The following KCNMA1 variants were observed in gnomAD, a reference collection of about 807,000 sequenced individuals.
KCNMA1 encodes Calcium-activated potassium channel subunit alpha-1.
Under a neutral mutation model 140.0 loss-of-function variants are expected in KCNMA1, and 29 were observed. The ratio of observed to expected loss-of-function variants is 0.21; its 90% CI spans 0.15 to 0.28. KCNMA1 has a LOEUF of 0.28. Ranked by LOEUF, KCNMA1 falls within the 10% of genes least tolerant of loss-of-function variation. KCNMA1 has a pLI of 1.00. For missense variants in KCNMA1, 880 were observed against 1,602.2 expected (o/e 0.55, Z 7.70); for synonymous variants, 612 against 611.9 (o/e 1.00, Z 0.00).
intron 2 of KCNMA1, among the ~76,000 whole-genome samples, chr10:77,255,200 A>G (rs1314410347): frequency 6.6e-6 from 1 of 152,216 alleles, no homozygotes; most frequent in Non-Finnish European, 1.5e-5. Context: ...AATTTGATAA[A>G]TGTCATTGGA....
chr10:76,965,401 G>A (rs1050807967), intron 20 of KCNMA1, among the ~76,000 whole-genome samples: 2 of 152,174 alleles, frequency 1.3e-5, no homozygotes, highest in African/African-American at 2.4e-5. Flanking sequence ...TCACACCTCT[G>A]TGCTTATGTA....
In KCNMA1 at chr10:77,273,798, T is replaced by C. The variant is rs184230831; in HGVS notation, c.541-22542A>G. ...GTTCATTTATTCCACGTGTATTTGT[T>C]GATTTCTTACTATATGCTGGGCACC... On this transcript the variant is annotated intron_variant, in intron 2 of 27. Transcript: ENST00000286628. Among the ~76,000 whole-genome samples the C allele has an allele frequency of 2.0e-3, 305 of 152,274 alleles. 1 individual carries two copies. The highest frequency in any genetic ancestry group is 6.8e-3 in the African/African-American group (284 of 41,564).
At chr10:77,055,690 T>C (rs181568915) in intron 14 of KCNMA1, among the ~76,000 whole-genome samples, 12 of 152,274 alleles carry the variant, frequency 7.9e-5, no homozygotes, top group African/African-American at 2.6e-4. Flanking sequence ...GCTTTTTGTC[T>C]CTCTCTGCCC....
chr10:77,552,360 A>G (rs1229560766), intron 1 of KCNMA1, among the ~76,000 whole-genome samples: 2 of 152,164 alleles, frequency 1.3e-5, no homozygotes, highest in Non-Finnish European at 2.9e-5. Flanking sequence ...AGATTACTTC[A>G]TCCTCTGGGT....
At chr10:77,314,779 C>G (rs987675944) in intron 2 of KCNMA1, among the ~76,000 whole-genome samples, 1 of 152,118 alleles carries the variant, frequency 6.6e-6, no homozygotes, top group African/African-American at 2.4e-5. Flanking sequence ...CCTGCATCCA[C>G]CTAGCAGGGT....
intron 2 of KCNMA1, among the ~76,000 whole-genome samples, chr10:77,401,642 G>A (rs2096270834): frequency 6.6e-6 from 1 of 152,186 alleles, no homozygotes; most frequent in South Asian, 2.1e-4. Context: ...AAAGCTCACT[G>A]CAAATGCATT....
chr10:77,027,465 T>C (rs773663038), intron 16 of KCNMA1, among the ~76,000 whole-genome samples: 19 of 152,018 alleles, frequency 1.2e-4, no homozygotes, highest in Non-Finnish European at 2.4e-4. Context: ...GAGGCCAGAG[T>C]CCACCTGCTT....
chr10:77,027,994 G>C (rs545232567), intron 15 of KCNMA1, 103 bp from the exon 16 acceptor site: 2 of 1,023,134 alleles, frequency 2.0e-6, no homozygotes, highest in South Asian at 1.3e-5. Context: ...AGTCATTACC[G>C]AGGGGATCCT....
At chr10:77,591,828 T>C (rs1007083258) in intron 1 of KCNMA1, among the ~76,000 whole-genome samples, 2 of 152,124 alleles carry the variant, frequency 1.3e-5, no homozygotes, top group African/African-American at 4.8e-5. Context: ...GGAATTTAAT[T>C]AGCTTGAGTT....
At chr10:77,584,347 T>C (rs934992063) in intron 1 of KCNMA1, among the ~76,000 whole-genome samples, 2 of 152,218 alleles carry the variant, frequency 1.3e-5, no homozygotes, top group Non-Finnish European at 2.9e-5. Context: ...ATTTAAGTTG[T>C]TCCATAAATG....
chr10:77,493,126 T>C (rs181108067), intron 1 of KCNMA1, among the ~76,000 whole-genome samples: 115 of 152,350 alleles, frequency 7.5e-4, no homozygotes, highest in African/African-American at 2.7e-3. Context: ...GGTTGAGCAC[T>C]CTAAACAGAT....
intron 1 of KCNMA1, chr10:77,636,851 C>A: frequency 6.3e-6 from 9 of 1,429,596 alleles, no homozygotes; most frequent in Non-Finnish European, 8.2e-6. Context: ...TCGCCCACCG[C>A]CAGGAGCCGA....
At chr10:77,563,848 T>C (rs1335611045) in intron 1 of KCNMA1, among the ~76,000 whole-genome samples, 1 of 152,146 alleles carries the variant, frequency 6.6e-6, no homozygotes, top group East Asian at 1.9e-4. Context: ...AAGACTCCAG[T>C]CCCTGGTCCC....
chr10:77,480,119 C>T (rs1227026136), intron 1 of KCNMA1, among the ~76,000 whole-genome samples: 5 of 152,248 alleles, frequency 3.3e-5, no homozygotes, highest in Non-Finnish European at 5.9e-5. Flanking sequence ...CCACCAAATA[C>T]GACGCCCATA....
chr10:77,433,900 TATC>T, intron 1 of KCNMA1: 1 of 152,320 alleles, frequency 6.6e-6, no homozygotes, highest in Non-Finnish European at 1.5e-5. Context: ...CAAGGGACTG[TATC>T]ATAATATCCT....
At chr10:77,138,371 A>G (rs954740500) in intron 5 of KCNMA1, among the ~76,000 whole-genome samples, 1 of 151,984 alleles carries the variant, frequency 6.6e-6, no homozygotes, top group African/African-American at 2.4e-5. Flanking sequence ...TGATCCTCTC[A>G]CCTCAGCCTC....
At chr10:77,474,573 G>A (rs1260006378) in intron 1 of KCNMA1, among the ~76,000 whole-genome samples, 6 of 152,196 alleles carry the variant, frequency 3.9e-5, no homozygotes, top group Admixed American at 1.3e-4. Flanking sequence ...ATGGTCCTTT[G>A]TTACAGCACC....
At chr10:76,997,429 G>A (rs1426721316) in intron 19 of KCNMA1, among the ~76,000 whole-genome samples, 3 of 152,198 alleles carry the variant, frequency 2.0e-5, no homozygotes, top group Admixed American at 6.5e-5. Context: ...AAGTCTAAAG[G>A]TCTGCTTCTC....
At chr10:76,883,879 A>G (rs2035701019), downstream of KCNMA1, 4 of 378,652 alleles carry the variant, frequency 1.1e-5, no homozygotes, top group Non-Finnish European at 1.5e-5. Context: ...TCTTCACTCT[A>G]TTAAGGAAAG....
Sources: gnomAD v4.1 joint callset for allele counts (sites outside exome capture counted in the v4.1 genomes callset) on GRCh38, gnomAD v4.1.1 for gene constraint, MANE v1.5 for transcripts, NCBI Gene and HGNC (gene_info 2026-07-23, HGNC 2026-07-21) for gene names.